Variants in ROR1 observed in about 807,000 individuals in gnomAD.
ROR1 encodes ROR family WNT receptor 1, also known as inactive tyrosine-protein kinase transmembrane receptor ROR1.
In ROR1, 19 loss-of-function variants were observed where a neutral mutation model predicts 78.8. The ratio of observed to expected loss-of-function variants is 0.24; its 90% confidence interval spans 0.17 to 0.35. The LOEUF (loss-of-function observed/expected upper bound fraction) is 0.35, where lower values mean the gene tolerates loss of function less well. Ranked by LOEUF, ROR1 falls within the 10% of genes least tolerant of loss-of-function variation. The pLI is 1.00. For synonymous variants in ROR1, 386 were observed against 433.6 expected (o/e 0.89, Z 1.36); for missense variants, 917 against 1,177.8 (o/e 0.78, Z 3.24).
At chr1:64,059,479 G>C (rs922385244) in intron 4 of ROR1, among the ~76,000 whole-genome samples, 1 of 152,086 alleles carries the variant, frequency 6.6e-6, no homozygotes, top group Non-Finnish European at 1.5e-5. Context: ...GGGAAGCCAG[G>C]GCAGCTGGAT....
At chr1:64,035,079 A>T (rs139999278) in intron 2 of ROR1, among the ~76,000 whole-genome samples, 63 of 152,294 alleles carry the variant, frequency 4.1e-4, no homozygotes, top group African/African-American at 1.3e-3. Flanking sequence ...TTTTCAAATC[A>T]CATCTTTTGG....
chr1:64,130,027 A>AT (rs912546215), intron 4 of ROR1, among the ~76,000 whole-genome samples: 3 of 152,156 alleles, frequency 2.0e-5, no homozygotes, highest in Non-Finnish European at 4.4e-5. Context: ...TTTTGATTTA[A>AT]TTTTTTAAAG....
intron 1 of ROR1, among the ~76,000 whole-genome samples, chr1:63,853,166 C>T (rs1284741458): frequency 6.6e-6 from 1 of 152,162 alleles, no homozygotes; most frequent in East Asian, 1.9e-4. Context: ...CCCCTGCTCC[C>T]AGCATCATAG....
chr1:64,143,351 TC>T, intron 7 of ROR1: 1 of 942,502 alleles, frequency 1.1e-6, no homozygotes, highest in Non-Finnish European at 1.3e-6. Flanking sequence ...TGAGACTCCA[TC>T]TCTACCAAAA....
intron 1 of ROR1, among the ~76,000 whole-genome samples, chr1:63,862,108 C>T (rs1645185672): frequency 6.6e-6 from 1 of 151,988 alleles, no homozygotes; most frequent in Non-Finnish European, 1.5e-5. Flanking sequence ...ACTACATTTT[C>T]CTGGCCAGGT....
At chr1:64,105,409 T>C (rs1294596244) in intron 4 of ROR1, 1 of 152,226 alleles carries the variant, frequency 6.6e-6, no homozygotes, top group Non-Finnish European at 1.5e-5. Flanking sequence ...GTAGGTTGCC[T>C]GTTCACTCTG....
chr1:64,102,879 C>G (rs1008295722), intron 4 of ROR1, among the ~76,000 whole-genome samples: 15 of 152,234 alleles, frequency 9.9e-5, no homozygotes, highest in African/African-American at 3.6e-4. Context: ...CACTGGATGC[C>G]AGCAACCCCT....
chr1:64,171,570 T>A (rs1354782372), intron 8 of ROR1, among the ~76,000 whole-genome samples: 1 of 152,096 alleles, frequency 6.6e-6, no homozygotes, highest in African/African-American at 2.4e-5. Flanking sequence ...AGCATAGATT[T>A]GAAAAAGGGC....
intron 4 of ROR1, among the ~76,000 whole-genome samples, chr1:64,066,123 C>G (rs1374553521): frequency 6.6e-6 from 1 of 152,152 alleles, no homozygotes; most frequent in Non-Finnish European, 1.5e-5. Flanking sequence ...TGGCCAGCTT[C>G]TGATGTCCTT....
At chr1:64,011,597 A>C (rs564570579) in intron 2 of ROR1, among the ~76,000 whole-genome samples, 4 of 152,296 alleles carry the variant, frequency 2.6e-5, no homozygotes, top group South Asian at 4.1e-4. Context: ...GCCCATTAAG[A>C]AAGTAGTGGT....
chr1:63,840,202 TCTTC>T (rs1015042201), intron 1 of ROR1, among the ~76,000 whole-genome samples: 7 of 152,226 alleles, frequency 4.6e-5, no homozygotes, highest in African/African-American at 1.7e-4. Flanking sequence ...AAGCATTAAA[TCTTC>T]CTCCCTTTAC....
intron 1 of ROR1, among the ~76,000 whole-genome samples, chr1:63,922,285 A>C (rs1250679953): frequency 2.6e-5 from 4 of 152,250 alleles, no homozygotes; most frequent in Non-Finnish European, 4.4e-5. Context: ...AAATTGTTCC[A>C]ATTTCATAGA....
intron 4 of ROR1, among the ~76,000 whole-genome samples, chr1:64,070,794 T>C (rs1189457176): frequency 6.6e-6 from 1 of 152,172 alleles, no homozygotes; most frequent in Non-Finnish European, 1.5e-5. Context: ...TCATAGAACT[T>C]GGTTCTATCA....
At chr1:64,054,295 T>C (rs1029040160) in intron 4 of ROR1, among the ~76,000 whole-genome samples, 2 of 152,070 alleles carry the variant, frequency 1.3e-5, no homozygotes, top group African/African-American at 2.4e-5. Flanking sequence ...GCTTTTTTTT[T>C]TGGACAGGTT....
At chr1:64,002,279 A>C (rs1186774638) in intron 1 of ROR1, among the ~76,000 whole-genome samples, 1 of 151,920 alleles carries the variant, frequency 6.6e-6, no homozygotes, top group African/African-American at 2.4e-5. Context: ...GATTACAGGC[A>C]TGCACCACCA....
intron 8 of ROR1, among the ~76,000 whole-genome samples, chr1:64,176,049 A>G (rs1050885479): frequency 2.0e-5 from 3 of 152,270 alleles, no homozygotes; most frequent in Non-Finnish European, 4.4e-5. Context: ...TAAATGAAAC[A>G]TCAGACTAAA....
rs10709706 is a variant in ROR1 at position 64,179,024 on chromosome 1, G to GAAAAAAAAAAAA, written c.*180_*191dup. 1.3e-5 allele frequency: 2 copies of GAAAAAAAAAAAA among 152,188 alleles called. No homozygotes were observed. The highest frequency in any genetic ancestry group is 4.3e-5 in the African/African-American group (1 of 23,200). The allele number at this position is 152,188 out of a possible 1,614,324, so 9.4% of individuals were successfully genotyped here. On this transcript the variant is annotated 3_prime_UTR_variant, in exon 9 of 9. Transcript: ENST00000371079. Reference sequence around the variant, plus strand: ...ACCAAGCAGGACAGACACTCGGCCAGAAAAAAAAAAAAAAAAAAAAAACAA... The same window carrying GAAAAAAAAAAAA: ...ACCAAGCAGGACAGACACTCGGCCAGAAAAAAAAAAAAAAAAAAAAAAAAAAAAAAAAAACAA...
intron 1 of ROR1, among the ~76,000 whole-genome samples, chr1:63,909,500 G>A (rs1219357411): frequency 6.6e-6 from 1 of 152,088 alleles, no homozygotes; most frequent in Non-Finnish European, 1.5e-5. Context: ...GCCACAGTTG[G>A]GTTGTTTAGG....
chr1:63,975,959 T>C (rs1181250762), intron 1 of ROR1, among the ~76,000 whole-genome samples: 1 of 152,208 alleles, frequency 6.6e-6, no homozygotes, highest in East Asian at 1.9e-4. Flanking sequence ...TTGGAAAGTA[T>C]TTTTGATCAT....
Sources: gnomAD v4.1 joint callset for allele counts (sites outside exome capture counted in the v4.1 genomes callset) on GRCh38, gnomAD v4.1.1 for gene constraint, MANE v1.5 for transcripts, NCBI Gene and HGNC (gene_info 2026-07-23, HGNC 2026-07-21) for gene names.